Variants in NCAM1 observed in about 807,000 individuals in gnomAD.
NCAM1 encodes the protein neural cell adhesion molecule 1, also known as antigen recognized by monoclonal antibody 5.1H11.
NCAM1 carries 14 observed loss-of-function variants against 109.8 expected under a neutral mutation model. The ratio of observed to expected loss-of-function variants is 0.13; its 90% CI spans 0.08 to 0.20. The LOEUF (loss-of-function observed/expected upper bound fraction) is 0.20, where lower values mean the gene tolerates loss of function less well. Ranked by LOEUF, NCAM1 falls within the 10% of genes least tolerant of loss-of-function variation. NCAM1 has a pLI of 1.00. For missense variants in NCAM1, 774 were observed against 1,109.9 expected (o/e 0.70, Z 4.30); for synonymous variants, 418 against 442.9 (o/e 0.94, Z 0.70).
At chr11:113,117,827 A>G (rs1940776917) in intron 1 of NCAM1, among the ~76,000 whole-genome samples, 2 of 151,984 alleles carry the variant, frequency 1.3e-5, no homozygotes, top group Non-Finnish European at 2.9e-5. Flanking sequence ...TTATCATCAC[A>G]GCAAACTGCT....
intron 1 of NCAM1, among the ~76,000 whole-genome samples, chr11:113,145,903 A>T (rs1180853201): frequency 6.6e-6 from 1 of 152,212 alleles, no homozygotes; most frequent in African/African-American, 2.4e-5. Flanking sequence ...GGAAACAAGC[A>T]TCGCCATAGA....
rs782682088 is a variant in NCAM1 at position 113,004,649 on chromosome 11, C to A, written c.52+42985C>A. 1.5e-4 allele frequency among the ~76,000 whole-genome samples: 23 copies of A among 152,100 alleles called. 1 individual carries two copies. Among genetic ancestry groups the A allele is most frequent in the Non-Finnish European group, 2.2e-4 (15 of 68,020 alleles). On this transcript the variant is annotated intron_variant, in intron 1 of 19. Transcript: ENST00000316851. ...TGCTCTTTGGAGTGTACCCTATTTTCCACTCAGGGTGATATTTCAGTATCT... is the reference window on the plus strand; with the variant it reads ...TGCTCTTTGGAGTGTACCCTATTTTACACTCAGGGTGATATTTCAGTATCT...
chr11:113,126,587 A>G (rs372914460), intron 1 of NCAM1, among the ~76,000 whole-genome samples: 1 of 151,978 alleles, frequency 6.6e-6, no homozygotes, highest in East Asian at 1.9e-4. Context: ...ATTACAGTTC[A>G]TTTTTCTCAT....
chr11:112,994,609 G>A (rs184988121), intron 1 of NCAM1, among the ~76,000 whole-genome samples: 2 of 152,324 alleles, frequency 1.3e-5, no homozygotes, highest in Admixed American at 1.3e-4. Context: ...GGAGTCAGCA[G>A]TCTGCTCTGT....
chr11:112,970,214 G>A (rs1950840860), intron 1 of NCAM1, among the ~76,000 whole-genome samples: 1 of 152,182 alleles, frequency 6.6e-6, no homozygotes, highest in Admixed American at 6.5e-5. Flanking sequence ...ATATGTTTAA[G>A]AGGATAGTTA....
Position 113,276,733 on chromosome 11 carries a change from CAAAAG to C in NCAM1, c.*1349_*1353del, listed in dbSNP as rs1367477639. The stretch of plus-strand genomic sequence containing the variant: ...TTCACTTAGGCAGCATTTATAGAAA[CAAAAG>C]AAGAAAGAAACAACCTACTGTCTGG... On this transcript the variant is annotated 3_prime_UTR_variant, in exon 20 of 20. Transcript: ENST00000316851. 3.7e-5 allele frequency: 5 copies of C among 133,834 alleles called. No individual in the cohort carries two copies. Among genetic ancestry groups the C allele is most frequent in the Non-Finnish European group, 7.7e-5 (5 of 64,694 alleles). The allele number at this position is 133,834 out of a possible 1,614,324, so 8.3% of individuals were successfully genotyped here. A position where few individuals can be genotyped will look rare whatever the true frequency, so the allele number is the denominator to read the frequency against.
intron 13 of NCAM1, among the ~76,000 whole-genome samples, chr11:113,234,119 C>G (rs1409392130): frequency 6.7e-6 from 1 of 149,948 alleles, no homozygotes; most frequent in Admixed American, 6.6e-5. Context: ...CTCGGGGGAG[C>G]CAGGGGGCCG....
chr11:113,233,118 C>T lies in NCAM1; in HGVS notation c.1523-29C>T. 6.2e-7 allele frequency: 1 copy of T among 1,602,692 alleles called. No homozygotes were observed. Among genetic ancestry groups the T allele is most frequent in the South Asian group, 1.1e-5 (1 of 88,846 alleles). ...TGGTCTTGGGCCAAACTGGGCTCACCTGAGTCTCCATATGTGTCTTCCCCA... is the reference window on the plus strand; with the variant it reads ...TGGTCTTGGGCCAAACTGGGCTCACTTGAGTCTCCATATGTGTCTTCCCCA... On this transcript the variant is annotated intron_variant, in intron 12 of 19. Coordinates refer to ENST00000316851, the MANE Select transcript of NCAM1 (RefSeq NM_181351.5). The surrounding 1 kb of genome is among the most constrained non-coding windows in gnomAD (Gnocchi z 4.5).
At chr11:113,220,596 C>CTTTTTTTT (rs1555115108) in intron 8 of NCAM1, among the ~76,000 whole-genome samples, 1 of 110,672 alleles carries the variant, frequency 9.0e-6, no homozygotes, top group African/African-American at 4.6e-5. Flanking sequence ...CTCTCTCTCT[C>CTTTTTTTT]TCTCTCTTTT....
chr11:113,101,962 TA>T (rs1555091610), intron 1 of NCAM1, among the ~76,000 whole-genome samples: 25 of 152,252 alleles, frequency 1.6e-4, no homozygotes, highest in Non-Finnish European at 8.8e-5. Flanking sequence ...GATGTTCTGT[TA>T]GTTTTTTCTA....
intron 5 of NCAM1, among the ~76,000 whole-genome samples, 189 bp from the exon 6 acceptor site, chr11:113,207,072 C>T (rs1944259425): frequency 6.6e-6 from 1 of 152,210 alleles, no homozygotes; most frequent in Non-Finnish European, 1.5e-5. Context: ...GTTTGTAGAA[C>T]TGTCTATTCA....
rs79277424 is a variant in NCAM1, at chr11:113,178,845, G to A, written c.53-23534G>A. ...CAGCATTCGAAGGCCAACATTCGAA[G>A]AGTCCGGGTGCTTTAGTCTCATTTG... is the stretch of plus-strand genomic sequence containing the variant. On this transcript the variant is annotated intron_variant, in intron 1 of 19. Coordinates refer to ENST00000316851, the MANE Select transcript of NCAM1 (RefSeq NM_181351.5). Among the ~76,000 whole-genome samples, 919 of 152,298 alleles carry A rather than the reference G, an allele frequency of 6.0e-3. 8 individuals carry two copies. The highest frequency in any genetic ancestry group is 0.021 in the African/African-American group (856 of 41,560).
At chr11:113,239,499 C>CTTTTTTTTTTTTTTTTTTTTTTTTTT (rs55641415) in intron 14 of NCAM1, among the ~76,000 whole-genome samples, 2 of 110,220 alleles carry the variant, frequency 1.8e-5, no homozygotes, top group Admixed American at 1.1e-4. Context: ...TGAGTCTCTA[C>CTTTTTTTTTTTTTTTTTTTTTTTTTT]TTTTTTTTTT....
At chr11:113,175,026 T>G (rs1943103978) in intron 1 of NCAM1, among the ~76,000 whole-genome samples, 1 of 152,184 alleles carries the variant, frequency 6.6e-6, no homozygotes, top group African/African-American at 2.4e-5. Context: ...TCCTACAAAA[T>G]AAGACTCCAG....
intron 18 of NCAM1, 44 bp downstream of exon 18, chr11:113,270,439 C>G: frequency 6.3e-7 from 1 of 1,580,506 alleles, no homozygotes; most frequent in East Asian, 2.2e-5. Flanking sequence ...GGGCTCTGCT[C>G]CAGCCCAGGG....
intron 1 of NCAM1, among the ~76,000 whole-genome samples, chr11:113,139,420 T>C (rs1336855070): frequency 6.6e-6 from 1 of 150,516 alleles, no homozygotes; most frequent in African/African-American, 2.4e-5. Context: ...CATGAAGTCT[T>C]TTTTTTTTAA....
intron 1 of NCAM1, among the ~76,000 whole-genome samples, chr11:113,007,519 C>T (rs999589271): frequency 6.6e-5 from 10 of 152,180 alleles, no homozygotes; most frequent in African/African-American, 1.9e-4. Flanking sequence ...AGCTAAGGGA[C>T]GTGCACAAGG....
chr11:113,262,925 G>A (rs1555123681), intron 17 of NCAM1: 39 of 1,613,530 alleles, frequency 2.4e-5, no homozygotes, highest in Non-Finnish European at 3.3e-5. Context: ...TGCTCTGTTA[G>A]GAACTTGAAC....
In NCAM1 at chr11:113,185,079, T is replaced by TATATATATATAGAGAGAG; in HGVS notation, c.53-17299_53-17298insTATATATATAGAGAGAGA. Among the ~76,000 whole-genome samples, 34 of 125,732 alleles carry TATATATATATAGAGAGAG rather than the reference T, an allele frequency of 2.7e-4. No homozygotes were observed. The East Asian group carries it at 3.2e-3, about 12-fold the overall frequency. The allele number at this position is 125,732 out of a possible 152,430, so 82.5% of individuals were successfully genotyped here. ...GTGTGCATTTATATTTATATATATA[T>TATATATATATAGAGAGAG]AGAGAGAGAGAGAGAGAGAGAGAGA... On this transcript the variant is annotated intron_variant, in intron 1 of 19. Transcript: ENST00000316851.
Sources: gnomAD v4.1 joint callset for allele counts (sites outside exome capture counted in the v4.1 genomes callset) on GRCh38, gnomAD v4.1.1 for gene constraint, Gnocchi (gnomAD v3.1) non-coding constraint, MANE v1.5 for transcripts, NCBI Gene and HGNC (gene_info 2026-07-23, HGNC 2026-07-21) for gene names.